The following NAV3 variants were observed in gnomAD, a reference collection of about 807,000 sequenced individuals.
NAV3 encodes neuron navigator 3, also known as pore membrane and/or filament interacting like protein 1.
A neutral mutation model predicts 244.7 loss-of-function variants in NAV3; 87 were observed. The observed-to-expected ratio is 0.36, with a 90% CI of 0.30 to 0.42. The LOEUF (loss-of-function observed/expected upper bound fraction) is 0.42. Ranked by LOEUF, NAV3 falls within the 20% of genes least tolerant of loss-of-function variation. NAV3 has a pLI of 1.00. For missense variants in NAV3, 2,663 were observed against 2,893.3 expected, an observed-to-expected ratio of 0.92 and a Z score of 1.83; for synonymous variants, 1,126 against 1,042.2, an observed-to-expected ratio of 1.08 and a Z score of -1.55.
chr12:78,174,280 A>G (rs895205864), intron 24 of NAV3, among the ~76,000 whole-genome samples: 4 of 151,878 alleles, frequency 2.6e-5, no homozygotes, highest in African/African-American at 7.2e-5. Context: ...AGTTGCTTGT[A>G]TAAAAGAAAC....
At chr12:78,098,615 A>T (rs1218788109) in intron 12 of NAV3, among the ~76,000 whole-genome samples, 1 of 151,920 alleles carries the variant, frequency 6.6e-6, no homozygotes, top group East Asian at 1.9e-4. Context: ...AGAAAATAAG[A>T]AAGATTTATG....
intron 5 of NAV3, among the ~76,000 whole-genome samples, chr12:77,987,820 G>A (rs950525055): frequency 6.6e-6 from 1 of 152,164 alleles, no homozygotes; most frequent in Non-Finnish European, 1.5e-5. Flanking sequence ...ATTGGGGTTT[G>A]AAATATACAT....
chr12:77,725,090 T>A (rs1001342513), intron 2 of NAV3, among the ~76,000 whole-genome samples: 1 of 152,070 alleles, frequency 6.6e-6, no homozygotes, highest in Non-Finnish European at 1.5e-5. Context: ...ACATAGTTTA[T>A]TTCAAGATAA....
At chr12:77,829,396 T>C (rs138413452), upstream of NAV3, among the ~76,000 whole-genome samples, 1 of 152,320 alleles carries the variant, frequency 6.6e-6, no homozygotes, top group African/African-American at 2.4e-5. Context: ...GTTGCATATG[T>C]TTTGAGTGAA....
At chr12:77,663,905 T>A (rs1873594258) in intron 2 of NAV3, among the ~76,000 whole-genome samples, 1 of 152,254 alleles carries the variant, frequency 6.6e-6, no homozygotes, top group South Asian at 2.1e-4. Flanking sequence ...GATATATATG[T>A]GTACATATTG....
chr12:77,945,018 A>C (rs7295890), intron 3 of NAV3, among the ~76,000 whole-genome samples: 52,529 of 151,966 alleles, frequency 0.35, 9,461 homozygotes, highest in African/African-American at 0.45. Flanking sequence ...ATGTGAACAT[A>C]TTCTGTAGAG....
intron 1 of NAV3, among the ~76,000 whole-genome samples, chr12:77,923,136 A>C (rs951219604): frequency 6.6e-6 from 1 of 151,992 alleles, no homozygotes; most frequent in African/African-American, 2.4e-5. Context: ...TAAATATTAT[A>C]ATTAATATAA....
chr12:77,751,997 T>C (rs1868880382), intron 2 of NAV3, among the ~76,000 whole-genome samples: 1 of 152,202 alleles, frequency 6.6e-6, no homozygotes, highest in Non-Finnish European at 1.5e-5. Context: ...ATAAAATTGG[T>C]GACTCATTTT....
intron 5 of NAV3, among the ~76,000 whole-genome samples, chr12:77,969,942 C>A (rs890946629): frequency 6.6e-6 from 1 of 152,204 alleles, no homozygotes; most frequent in South Asian, 2.1e-4. Context: ...ACTTTTATTA[C>A]ATCCTTAAAA....
chr12:77,974,472 A>G (rs1476324719), intron 5 of NAV3, among the ~76,000 whole-genome samples: 4 of 146,842 alleles, frequency 2.7e-5, no homozygotes, highest in African/African-American at 1.0e-4. Flanking sequence ...TTTTTTTTGT[A>G]ATTTTTGTGG....
chr12:77,800,606 A>G (rs755868814), intron 2 of NAV3, among the ~76,000 whole-genome samples: 16 of 152,152 alleles, frequency 1.1e-4, no homozygotes, highest in Non-Finnish European at 1.8e-4. Flanking sequence ...ATAGTTTACA[A>G]GTTTACTGTT....
chr12:77,976,938 G>A (rs1232422842), intron 5 of NAV3, among the ~76,000 whole-genome samples: 1 of 151,952 alleles, frequency 6.6e-6, no homozygotes. Flanking sequence ...GCCTCCCAAA[G>A]TTCTGGGATT....
intron 2 of NAV3, among the ~76,000 whole-genome samples, chr12:77,666,022 T>C (rs572110874): frequency 6.6e-6 from 1 of 152,182 alleles, no homozygotes; most frequent in South Asian, 2.1e-4. Flanking sequence ...GAGAAACCTA[T>C]GTAATTATGA....
intron 2 of NAV3, among the ~76,000 whole-genome samples, chr12:77,583,734 G>C (rs766462477): frequency 4.6e-5 from 7 of 152,110 alleles, no homozygotes; most frequent in Non-Finnish European, 8.8e-5. Flanking sequence ...GGCACATCCA[G>C]ATTTATCACT....
intron 22 of NAV3, among the ~76,000 whole-genome samples, chr12:78,152,798 C>T (rs889759457): frequency 6.6e-6 from 1 of 151,684 alleles, no homozygotes; most frequent in Non-Finnish European, 1.5e-5. Context: ...TCTACAGTTC[C>T]CATTTGAAAG....
At chr12:77,799,616 A>G (rs1230414327) in intron 2 of NAV3, among the ~76,000 whole-genome samples, 1 of 152,170 alleles carries the variant, frequency 6.6e-6, no homozygotes, top group Non-Finnish European at 1.5e-5. Context: ...TTCTTTACAT[A>G]CTACCTTATT....
intron 9 of NAV3, among the ~76,000 whole-genome samples, chr12:78,025,760 T>C (rs1227653066): frequency 1.3e-5 from 2 of 152,104 alleles, no homozygotes; most frequent in Non-Finnish European, 2.9e-5. Context: ...CACAAACTGG[T>C]TGTTAAAAGT....
chr12:77,886,232 C>T (rs528074604), intron 1 of NAV3, among the ~76,000 whole-genome samples: 97 of 152,254 alleles, frequency 6.4e-4, no homozygotes, highest in Middle Eastern at 3.4e-3. Flanking sequence ...CCTGGTCCTG[C>T]ATTCAATTAC....
chr12:78,156,798 G>T (rs551131830), intron 22 of NAV3, among the ~76,000 whole-genome samples: 2 of 152,002 alleles, frequency 1.3e-5, no homozygotes, highest in African/African-American at 4.8e-5. Context: ...TTTCTAACAG[G>T]TTAAACTGAA....
Sources: allele counts gnomAD v4.1 joint callset (sites outside exome capture counted in the v4.1 genomes callset), GRCh38; gene constraint gnomAD v4.1.1; transcripts MANE v1.5; gene names NCBI Gene and HGNC (gene_info 2026-07-23, HGNC 2026-07-21).